Variants in ZBTB38 observed in about 807,000 individuals in gnomAD.
The protein encoded by ZBTB38 is zinc finger and BTB domain containing 38, also known as zinc finger and BTB domain-containing protein 38.
A neutral mutation model predicts 76.8 loss-of-function variants in ZBTB38; 20 were observed. The observed-to-expected ratio is 0.26, with a 90% CI of 0.18 to 0.38. The LOEUF is 0.38. Ranked by LOEUF, ZBTB38 falls within the 10% of genes least tolerant of loss-of-function variation. The pLI is 1.00. For missense variants in ZBTB38, 1,082 were observed against 1,482.3 expected (o/e 0.73, Z 4.43); for synonymous variants, 504 against 544.2 (o/e 0.93, Z 1.03).
intron 4 of ZBTB38, chr3:141,389,465 T>C (rs1390303985): frequency 1.3e-5 from 2 of 151,858 alleles, no homozygotes; most frequent in South Asian, 2.1e-4. Context: ...TTTTTTTTTT[T>C]TTGGCTGTTG....
chr3:141,392,115 A>G (rs917108564), intron 4 of ZBTB38, among the ~76,000 whole-genome samples: 1 of 152,208 alleles, frequency 6.6e-6, no homozygotes, highest in African/African-American at 2.4e-5. Flanking sequence ...AAATTGATTC[A>G]TTACTTAGCT....
chr3:141,358,764 T>C (rs55755373), intron 1 of ZBTB38, among the ~76,000 whole-genome samples: 6,564 of 152,258 alleles, frequency 0.043, 478 homozygotes, highest in African/African-American at 0.15. Flanking sequence ...ACCACTAATC[T>C]ATTTTCTGCC....
chr3:141,429,722 T>G (rs372781119), intron 5 of ZBTB38, among the ~76,000 whole-genome samples: 9 of 152,042 alleles, frequency 5.9e-5, no homozygotes, highest in African/African-American at 2.2e-4. Flanking sequence ...GGGCAGCAGA[T>G]AGAGAGATGG....
intron 1 of ZBTB38, among the ~76,000 whole-genome samples, chr3:141,326,228 G>C (rs1026409411): frequency 7.9e-5 from 12 of 152,136 alleles, no homozygotes; most frequent in Non-Finnish European, 1.8e-4. Flanking sequence ...AAAATGTTGA[G>C]GTAAATCATA....
chr3:141,391,405 G>T (rs563234948), intron 4 of ZBTB38, among the ~76,000 whole-genome samples: 1 of 152,298 alleles, frequency 6.6e-6, no homozygotes, highest in Admixed American at 6.5e-5. Flanking sequence ...AGCCAGGTCT[G>T]ACAGTTTCAA....
chr3:141,354,465 TCTCTCTCTTTCCCCTC>T (rs1316785318), intron 1 of ZBTB38, among the ~76,000 whole-genome samples: 3 of 152,078 alleles, frequency 2.0e-5, no homozygotes, highest in African/African-American at 7.2e-5. Context: ...CCCTGGAGTT[TCTCTCTCTTTCCCCTC>T]CTCTCTCTCC....
At chr3:141,392,790 G>A (rs750147508) in intron 4 of ZBTB38, 1 of 152,112 alleles carries the variant, frequency 6.6e-6, no homozygotes, top group East Asian at 1.9e-4. Context: ...TAGGCAAGAT[G>A]TTTTTGCTTT....
At position 141,413,109 on chromosome 3, in the gene ZBTB38, A is replaced by G. The variant is rs137873532; in HGVS notation, c.-1+9078A>G. On this transcript the variant is annotated intron_variant, in intron 5 of 5. Coordinates refer to ENST00000321464, the MANE Select transcript of ZBTB38 (RefSeq NM_001376113.1). The surrounding 1 kb of genome is among the most constrained non-coding windows in gnomAD (Gnocchi z 4.1). ...GGAATTGTGGGAAATGGGGAAGAAG[A>G]AAATGTTTGTGCAGGGAAAGTGTGT... Among the ~76,000 whole-genome samples the G allele has an allele frequency of 2.0e-5, 3 of 152,346 alleles. No homozygotes were observed. The highest frequency in any genetic ancestry group is 7.2e-5 in the African/African-American group (3 of 41,580).
At position 141,424,972 on chromosome 3, in the gene ZBTB38, G is replaced by A. The variant is rs191976364; in HGVS notation, c.1-17417G>A. Among the ~76,000 whole-genome samples the A allele has an allele frequency of 3.3e-5, 5 of 152,316 alleles. No individual in the cohort carries two copies. In the East Asian group the frequency reaches 9.6e-4, roughly 29 times the overall value. On this transcript the variant is annotated intron_variant, in intron 5 of 5. Coordinates refer to ENST00000321464, the MANE Select transcript of ZBTB38 (RefSeq NM_001376113.1). ...CAGATACTATACCAAGCACTTTAAA[G>A]GTACCACTTAGTCCTCATGTTAACC... is the stretch of plus-strand genomic sequence containing the variant.
At chr3:141,334,399 TC>T (rs1371149045) in intron 1 of ZBTB38, among the ~76,000 whole-genome samples, 2 of 127,396 alleles carry the variant, frequency 1.6e-5, no homozygotes, top group East Asian at 2.1e-4. Flanking sequence ...CTTCCTTCCT[TC>T]CTTCTTTCCT....
chr3:141,325,009 G>A (rs527807298), intron 1 of ZBTB38, among the ~76,000 whole-genome samples: 3 of 152,276 alleles, frequency 2.0e-5, no homozygotes, highest in South Asian at 2.1e-4. Flanking sequence ...ATTAACAGCC[G>A]TTTGTTCTGT....
intron 5 of ZBTB38, among the ~76,000 whole-genome samples, chr3:141,441,779 G>A (rs1226532234): frequency 1.3e-5 from 2 of 152,230 alleles, no homozygotes; most frequent in East Asian, 3.9e-4. Context: ...AGCCGGGCGT[G>A]GTGGCTCTCA....
intron 3 of ZBTB38, among the ~76,000 whole-genome samples, chr3:141,384,097 C>A (rs1946591762): frequency 6.6e-6 from 1 of 152,174 alleles, no homozygotes. Flanking sequence ...TTTGTTTAAC[C>A]CGAGCAGGTC....
intron 5 of ZBTB38, among the ~76,000 whole-genome samples, chr3:141,435,472 C>T (rs187408622): frequency 3.5e-4 from 53 of 151,992 alleles, no homozygotes; most frequent in African/African-American, 1.0e-3. Context: ...TAAAAATATA[C>T]TTTAGGCCGG....
chr3:141,356,024 T>C (rs1209753748), intron 1 of ZBTB38, among the ~76,000 whole-genome samples: 1 of 98,294 alleles, frequency 1.0e-5, no homozygotes, highest in Non-Finnish European at 1.8e-5. Flanking sequence ...TTAACTTCTC[T>C]GCCACTCTGT....
intron 2 of ZBTB38, among the ~76,000 whole-genome samples, chr3:141,373,830 A>G (rs1944968217): frequency 6.6e-6 from 1 of 152,244 alleles, no homozygotes; most frequent in South Asian, 2.1e-4. Flanking sequence ...GTGCATGTCA[A>G]GGTAAACTGC....
intron 4 of ZBTB38, among the ~76,000 whole-genome samples, chr3:141,391,364 T>C (rs1004567756): frequency 2.6e-5 from 4 of 152,140 alleles, no homozygotes; most frequent in Non-Finnish European, 5.9e-5. Flanking sequence ...CTTCAAACTT[T>C]CCTTTCTTTG....
intron 5 of ZBTB38, among the ~76,000 whole-genome samples, chr3:141,433,339 T>G (rs906342811): frequency 6.6e-6 from 1 of 151,906 alleles, no homozygotes; most frequent in African/African-American, 2.4e-5. Flanking sequence ...TTTTTTTGTT[T>G]TTTTTGGTTA....
intron 1 of ZBTB38, among the ~76,000 whole-genome samples, chr3:141,345,837 G>T (rs1026640249): frequency 6.6e-6 from 1 of 151,902 alleles, no homozygotes; most frequent in African/African-American, 2.4e-5. Context: ...TTTCCCCCAG[G>T]CCCTCACCCA....
Sources: gnomAD v4.1 joint callset for allele counts (sites outside exome capture counted in the v4.1 genomes callset) on GRCh38, gnomAD v4.1.1 for gene constraint, Gnocchi (gnomAD v3.1) non-coding constraint, MANE v1.5 for transcripts, NCBI Gene and HGNC (gene_info 2026-07-23, HGNC 2026-07-21) for gene names.